The following AHI1 variants were observed in gnomAD, a reference collection of about 807,000 sequenced individuals.
The protein encoded by AHI1 is jouberin.
Under a neutral mutation model 149.3 loss-of-function variants are expected in AHI1, and 123 were observed. The ratio of observed to expected loss-of-function variants is 0.82; its 90% CI spans 0.71 to 0.96. The LOEUF is 0.96. Ranked by LOEUF, AHI1 falls within the 40% of genes least tolerant of loss-of-function variation. AHI1 has a pLI of 0.00. For missense variants in AHI1, 1,439 were observed against 1,422.7 expected, an observed-to-expected ratio of 1.01 and a Z score of -0.18; for synonymous variants, 475 against 459.8, an observed-to-expected ratio of 1.03 and a Z score of -0.42.
chr6:135,476,304 G>A (rs936067265), intron 5 of AHI1, among the ~76,000 whole-genome samples: 1 of 151,770 alleles, frequency 6.6e-6, no homozygotes, highest in African/African-American at 2.4e-5. Context: ...TGTGGCCTAA[G>A]AAAACATTTT....
intron 23 of AHI1, among the ~76,000 whole-genome samples, chr6:135,380,830 T>C (rs1776664501): frequency 1.4e-5 from 2 of 145,184 alleles, no homozygotes; most frequent in African/African-American, 2.5e-5. Flanking sequence ...GTATTGAGAA[T>C]GTGAGATGGT....
At chr6:135,299,909 A>G (rs1242823937) in intron 27 of AHI1, among the ~76,000 whole-genome samples, 1 of 152,222 alleles carries the variant, frequency 6.6e-6, no homozygotes, top group African/African-American at 2.4e-5. Flanking sequence ...ATTTCAAAAT[A>G]GTACTCAAAT....
At chr6:135,287,834 T>C (rs1781878939) in intron 28 of AHI1, among the ~76,000 whole-genome samples, 1 of 152,132 alleles carries the variant, frequency 6.6e-6, no homozygotes, top group Non-Finnish European at 1.5e-5. Context: ...TGGTGGCTCA[T>C]GCCTGTCATC....
Position 135,429,976 on chromosome 6 carries a change from C to A in AHI1, c.2398G>T (p.Gly800Ter). 6.4e-7 allele frequency: 1 copy of A among 1,568,648 alleles called. No homozygotes were observed. The highest frequency in any genetic ancestry group is 2.3e-5 in the East Asian group (1 of 44,056). ...ATCTCCAAATAACTTATTGGAATTC[C>A]CTTAAACTCAGTTTCTTTAATTTCC... ...NKEIKETEFK[G>*]IPISYLEIHP... The change falls in exon 18 of 29, where the codon GGA becomes TGA. Residue 800 changes from glycine (G) to a stop codon, truncating the protein, a stop_gained. Transcript: ENST00000265602. LOFTEE classifies it high-confidence loss of function.
chr6:135,398,548 G>C (rs1216329889), intron 22 of AHI1, among the ~76,000 whole-genome samples: 2 of 152,160 alleles, frequency 1.3e-5, no homozygotes, highest in Admixed American at 6.5e-5. Flanking sequence ...AGGACTGGTG[G>C]TTCACAGATT....
intron 11 of AHI1, among the ~76,000 whole-genome samples, chr6:135,452,434 G>C (rs994251537): frequency 6.6e-6 from 1 of 152,164 alleles, no homozygotes; most frequent in East Asian, 1.9e-4. Context: ...CCTAGTCAAA[G>C]ACAAATGTAC....
chr6:135,485,906 G>A (rs1189605004), intron 5 of AHI1, among the ~76,000 whole-genome samples: 2 of 152,088 alleles, frequency 1.3e-5, no homozygotes, highest in Non-Finnish European at 1.5e-5. Flanking sequence ...GCCAAGGCAG[G>A]CACATCACCA....
chr6:135,360,858 G>C (rs1223975347), intron 23 of AHI1, among the ~76,000 whole-genome samples: 2 of 152,136 alleles, frequency 1.3e-5, no homozygotes, highest in African/African-American at 4.8e-5. Context: ...CAGTCTGTCA[G>C]CAGAATAAAG....
intron 24 of AHI1, among the ~76,000 whole-genome samples, chr6:135,327,379 C>G (rs969984441): frequency 6.6e-5 from 10 of 152,212 alleles, no homozygotes; most frequent in African/African-American, 2.2e-4. Flanking sequence ...CAACCAGCAT[C>G]CTTGGGAGGG....
intron 23 of AHI1, among the ~76,000 whole-genome samples, chr6:135,364,335 G>T (rs1219747597): frequency 1.6e-4 from 24 of 151,668 alleles, no homozygotes; most frequent in African/African-American, 5.1e-4. Context: ...AGATGTGATG[G>T]CGGCCGGGAA....
chr6:135,312,530 A>C (rs541146555), intron 26 of AHI1, among the ~76,000 whole-genome samples: 5 of 152,290 alleles, frequency 3.3e-5, no homozygotes, highest in South Asian at 2.1e-4. Flanking sequence ...ACAACAACAA[A>C]AAAAACCAAC....
intron 26 of AHI1, 119 bp downstream of exon 26, chr6:135,318,400 A>T: frequency 1.4e-6 from 1 of 729,128 alleles, no homozygotes; most frequent in Non-Finnish European, 2.3e-6. Context: ...GTTTGTACCA[A>T]GACATAAAAA....
At chr6:135,304,849 T>C (rs1156633271) in intron 26 of AHI1, among the ~76,000 whole-genome samples, 1 of 152,150 alleles carries the variant, frequency 6.6e-6, no homozygotes, top group Non-Finnish European at 1.5e-5. Context: ...AATAAATACT[T>C]ATCTGTGGGG....
intron 24 of AHI1, among the ~76,000 whole-genome samples, chr6:135,333,610 T>C (rs1268315743): frequency 6.6e-6 from 1 of 152,234 alleles, no homozygotes; most frequent in African/African-American, 2.4e-5. Flanking sequence ...CCTATCTTGC[T>C]GTATAATGCA....
intron 20 of AHI1, among the ~76,000 whole-genome samples, chr6:135,420,234 C>T (rs973092441): frequency 2.0e-5 from 3 of 152,168 alleles, no homozygotes; most frequent in Non-Finnish European, 4.4e-5. Flanking sequence ...AATGTTCTTA[C>T]TGGCATTTAG....
intron 17 of AHI1, 143 bp downstream of exon 17, chr6:135,431,065 A>C (rs1324492939): frequency 1.7e-6 from 1 of 572,278 alleles, no homozygotes; most frequent in Non-Finnish European, 3.0e-6. Context: ...AGGGTGTGCT[A>C]ATTAATTATT....
intron 24 of AHI1, among the ~76,000 whole-genome samples, chr6:135,355,197 A>G (rs1021978152): frequency 1.3e-5 from 2 of 152,208 alleles, no homozygotes; most frequent in Admixed American, 1.3e-4. Flanking sequence ...AAACAAAATG[A>G]AGAGCTCAGC....
At chr6:135,351,164 A>G (rs895992076) in intron 24 of AHI1, among the ~76,000 whole-genome samples, 2 of 152,072 alleles carry the variant, frequency 1.3e-5, no homozygotes, top group Middle Eastern at 3.2e-3. Context: ...AAAAGAAAGA[A>G]AATTGACTAA....
In AHI1 at chr6:135,327,409, G is replaced by A. The variant is rs554271603; in HGVS notation, c.3166-4085C>T. ...GGAGGGTGATGACTGGTGAGGCTAC[G>A]TTCTCTAAAGCAAAGAAATTGGAGC... On this transcript the variant is annotated intron_variant, in intron 24 of 28. Coordinates refer to ENST00000265602, the MANE Select transcript of AHI1 (RefSeq NM_001134831.2). 7.2e-5 allele frequency among the ~76,000 whole-genome samples: 11 copies of A among 152,334 alleles called. No individual in the cohort carries two copies. In the South Asian group the frequency reaches 1.2e-3, roughly 17 times the overall value.
Sources: gnomAD v4.1 joint callset for allele counts (sites outside exome capture counted in the v4.1 genomes callset) on GRCh38, gnomAD v4.1.1 for gene constraint, MANE v1.5 for transcripts, NCBI Gene and HGNC (gene_info 2026-07-23, HGNC 2026-07-21) for gene names.